Variants in F3 observed in about 807,000 individuals in gnomAD.
F3 encodes the protein coagulation factor III, tissue factor, also known as tissue factor.
Under a neutral mutation model 33.5 loss-of-function variants are expected in F3, and 18 were observed. The ratio of observed to expected loss-of-function variants is 0.54; its 90% CI spans 0.37 to 0.80. The LOEUF (loss-of-function observed/expected upper bound fraction) is 0.80, where lower values mean the gene tolerates loss of function less well. F3 is among the 30% of genes least tolerant of loss of function. F3 has a pLI of 0.00. For synonymous variants in F3, 147 were observed against 140.7 expected (o/e 1.05, Z -0.32); for missense variants, 353 against 362.1 (o/e 0.97, Z 0.20).
chr1:94,538,497 A>G (rs1651677627), intron 2 of F3, among the ~76,000 whole-genome samples: 1 of 152,202 alleles, frequency 6.6e-6, no homozygotes, highest in Admixed American at 6.5e-5. Flanking sequence ...GAGGGAAAAC[A>G]GGCAGAGAGG....
intron 2 of F3, 122 bp from the exon 3 acceptor site, chr1:94,536,286 T>C (rs1651604011): frequency 1.2e-6 from 1 of 828,476 alleles, no homozygotes; most frequent in East Asian, 2.5e-5. Flanking sequence ...TCAATCCTAA[T>C]GATGCAGTCA....
intron 5 of F3, 103 bp from the exon 6 acceptor site, chr1:94,530,699 G>T: frequency 7.1e-7 from 1 of 1,401,822 alleles, no homozygotes; most frequent in Non-Finnish European, 9.8e-7. Flanking sequence ...CTATTTTTGT[G>T]CAATTTGACT....
chr1:94,540,457 A>G, intron 1 of F3, 89 bp from the exon 2 acceptor site: 1 of 713,700 alleles, frequency 1.4e-6, no homozygotes, highest in Non-Finnish European at 2.3e-6. Context: ...ACCTGACATC[A>G]CCATAAACCT....
At chr1:94,535,895 G>A in intron 3 of F3, 70 bp downstream of exon 3, 1 of 1,428,630 alleles carries the variant, frequency 7.0e-7, no homozygotes, top group Non-Finnish European at 9.8e-7. Context: ...AGCCCCTAAA[G>A]GCACAAGATC....
In F3 at chr1:94,530,562, C is replaced by G. The variant is rs778615016; in HGVS notation, c.786G>C (p.Val262=). ...IFYIIGAVVF[V]VIILVIILAI... ...CCAGGATGATGACAAGGATGATGAC[C>G]ACAAATACCACAGCTCCAATGATGT... Residue 262 remains valine (V), a synonymous_variant, in exon 6 of 6, where the codon GTG becomes GTC. Coordinates refer to ENST00000334047, the MANE Select transcript of F3 (RefSeq NM_001993.5). 6.2e-7 allele frequency: 1 copy of G among 1,614,024 alleles called. No homozygotes were observed. Among genetic ancestry groups the G allele is most frequent in the African/African-American group, 1.3e-5 (1 of 74,998 alleles).
At position 94,529,219 on chromosome 1, in the gene F3, A is replaced by G. The variant is rs1167026939; in HGVS notation, c.*1241T>C. The G allele has an allele frequency of 1.3e-5, 2 of 152,676 alleles. No homozygotes were observed. Among genetic ancestry groups the G allele is most frequent in the Non-Finnish European group, 2.9e-5 (2 of 68,052 alleles). The allele number at this position is 152,676 out of a possible 1,614,324, so 9.5% of individuals were successfully genotyped here. Reference sequence around the variant, plus strand: ...TAAGCGAAAAAGATACGTTGTTGTAAGCCACTGACAATTTTACAGTCATTT... The same window carrying G: ...TAAGCGAAAAAGATACGTTGTTGTAGGCCACTGACAATTTTACAGTCATTT... On this transcript the variant is annotated 3_prime_UTR_variant, in exon 6 of 6. Coordinates refer to ENST00000334047, the MANE Select transcript of F3 (RefSeq NM_001993.5).
chr1:94,530,530 G>A lies in F3; in HGVS notation c.818C>T (p.Ser273Phe). 6.2e-7 allele frequency: 1 copy of A among 1,613,914 alleles called. No individual in the cohort carries two copies. Among genetic ancestry groups the A allele is most frequent in the Non-Finnish European group, 8.5e-7 (1 of 1,179,892 alleles). ...TCCTGCCTTTCTACACTTGTGTAGA[G>A]ATATAGCCAGGATGATGACAAGGAT... ...VIILVIILAISLHKCRKAGVG... is the reference protein window; with the variant it reads ...VIILVIILAIFLHKCRKAGVG... Residue 273 changes from serine to phenylalanine, a missense_variant, in exon 6 of 6, where the codon TCT (serine) becomes TTT (phenylalanine). Transcript: ENST00000334047.
intron 1 of F3, 27 bp downstream of exon 1, chr1:94,541,510 G>T (rs775754116): frequency 3.5e-6 from 5 of 1,442,328 alleles, no homozygotes. Flanking sequence ...GGCGCGCCCC[G>T]GGCTTCCAGG....
chr1:94,539,472 T>C (rs190051398), intron 2 of F3, among the ~76,000 whole-genome samples: 1 of 152,350 alleles, frequency 6.6e-6, no homozygotes, highest in Admixed American at 6.5e-5. Flanking sequence ...TTTGTACTTT[T>C]ATGTAATTAG....
chr1:94,536,021 C>A lies in F3; in HGVS notation c.356G>T (p.Gly119Val), dbSNP rs754108178. 1 of 1,614,158 alleles carries A rather than the reference C, an allele frequency of 6.2e-7. No homozygotes were observed. ...CTCATACAGAGGCTCCCCAGCAGAA[C>A]CGGTGCTCTCCACATTCCCTGCCGG... The part of the protein sequence containing the change: ...SYPAGNVEST[G>V]SAGEPLYENS... The change falls in exon 3 of 6, where the codon GGT becomes GTT. Residue 119 changes from glycine (G) to valine (V), a missense_variant. By Grantham distance (109) the Gly-to-Val change is moderately radical. Transcript: ENST00000334047.
intron 4 of F3, 116 bp from the exon 5 acceptor site, chr1:94,532,596 T>G: frequency 9.0e-7 from 1 of 1,105,140 alleles, no homozygotes; most frequent in South Asian, 1.5e-5. Flanking sequence ...AGAACACAGC[T>G]GACACGTGAA....
chr1:94,541,589 G>C lies in F3; in HGVS notation c.48C>G (p.Val16=), dbSNP rs753481483. 2 of 1,475,894 alleles carry C rather than the reference G, an allele frequency of 1.4e-6. No individual in the cohort carries two copies. Among genetic ancestry groups the C allele is most frequent in the South Asian group, 1.4e-5 (1 of 73,542 alleles). The allele number at this position is 1,475,894 out of a possible 1,614,324, so 91.4% of individuals were successfully genotyped here. The change falls in exon 1 of 6, where the codon GTC becomes GTG. Residue 16 remains valine, a synonymous_variant. Coordinates refer to ENST00000334047, the MANE Select transcript of F3 (RefSeq NM_001993.5). ...WPRVPRPETA[V]ARTLLLGWVF... is the part of the protein sequence containing the mutation. ...CCCAGCCGAGCAGGAGCGTCCGAGC[G>C]ACGGCGGTCTCGGGGCGCGGGACCC...
In F3 at chr1:94,535,999, A is replaced by C; in HGVS notation, c.378T>G (p.Tyr126Ter). The change falls in exon 3 of 6, where the codon TAT (tyrosine) becomes TAG (stop). Residue 126 changes from tyrosine to a stop codon, truncating the protein, a stop_gained. Coordinates refer to ENST00000334047, the MANE Select transcript of F3 (RefSeq NM_001993.5). LOFTEE classifies it high-confidence loss of function. ...AAGGTGTGAACTCTGGGGAGTTCTCATACAGAGGCTCCCCAGCAGAACCGG... is the reference window on the plus strand; with the variant it reads ...AAGGTGTGAACTCTGGGGAGTTCTCCTACAGAGGCTCCCCAGCAGAACCGG... ...ESTGSAGEPL[Y>*]ENSPEFTPYL... 6.2e-7 allele frequency: 1 copy of C among 1,614,190 alleles called. No individual in the cohort carries two copies. The highest frequency in any genetic ancestry group is 8.5e-7 in the Non-Finnish European group (1 of 1,180,034).
At chr1:94,535,940 C>A (rs746588739) in intron 3 of F3, 25 bp downstream of exon 3, 1 of 1,601,446 alleles carries the variant, frequency 6.2e-7, no homozygotes, top group Admixed American at 1.7e-5. Flanking sequence ...CAAGAATGAA[C>A]GGTATTACAG....
chr1:94,530,398 C>T lies in F3; in HGVS notation c.*62G>A. 6.2e-7 allele frequency: 1 copy of T among 1,601,372 alleles called. No individual in the cohort carries two copies. The highest frequency in any genetic ancestry group is 2.2e-5 in the East Asian group (1 of 44,698). ...CATTTGCGTTTCCATGTATTCTATC[C>T]TCTTAAAAGTTCTCGGTCACAGTGC... On this transcript the variant is annotated 3_prime_UTR_variant, in exon 6 of 6. Coordinates refer to ENST00000334047, the MANE Select transcript of F3 (RefSeq NM_001993.5).
Position 94,536,092 on chromosome 1 carries a change from A to G in F3, c.285T>C (p.Ile95=). 6.2e-7 allele frequency: 1 copy of G among 1,614,176 alleles called. No individual in the cohort carries two copies. Among genetic ancestry groups the G allele is most frequent in the Non-Finnish European group, 8.5e-7 (1 of 1,180,040 alleles). The part of the protein sequence containing the change: ...TDTECDLTDE[I]VKDVKQTYLA... ...AGTACGTCTGCTTCACATCCTTCAC[A>G]ATCTCGTCGGTGAGGTCACACTCTG... The change falls in exon 3 of 6, where the codon ATT becomes ATC. Residue 95 remains isoleucine, a synonymous_variant. Transcript: ENST00000334047.
intron 3 of F3, among the ~76,000 whole-genome samples, chr1:94,533,851 CT>C (rs1298195999): frequency 2.7e-5 from 4 of 150,580 alleles, no homozygotes; most frequent in Admixed American, 1.3e-4. Context: ...CTTTTCTTTT[CT>C]TTTCTTTTTT....
intron 2 of F3, among the ~76,000 whole-genome samples, chr1:94,538,435 T>C (rs191285927): frequency 6.6e-6 from 1 of 152,290 alleles, no homozygotes; most frequent in East Asian, 1.9e-4. Flanking sequence ...GCTGCAGTAG[T>C]GAGAGCAGTC....
chr1:94,534,360 C>T (rs979341563), intron 3 of F3, among the ~76,000 whole-genome samples: 4 of 152,144 alleles, frequency 2.6e-5, no homozygotes, highest in Non-Finnish European at 5.9e-5. Context: ...AAGTTATACT[C>T]GGATTTTCAA....
Sources: allele counts gnomAD v4.1 joint callset (sites outside exome capture counted in the v4.1 genomes callset), GRCh38; gene constraint gnomAD v4.1.1; transcripts MANE v1.5; gene names NCBI Gene and HGNC (gene_info 2026-07-23, HGNC 2026-07-21).